Variants in ATP2C1 observed in about 807,000 individuals in gnomAD.
ATP2C1 encodes ATPase secretory pathway Ca2+ transporting 1, also known as calcium-transporting ATPase type 2C member 1.
Under a neutral mutation model 120.5 loss-of-function variants are expected in ATP2C1, and 31 were observed. The ratio of observed to expected loss-of-function variants is 0.26; its 90% confidence interval spans 0.19 to 0.35. The LOEUF (loss-of-function observed/expected upper bound fraction) is 0.35. Ranked by LOEUF, ATP2C1 falls within the 10% of genes least tolerant of loss-of-function variation. The pLI is 1.00. For missense variants in ATP2C1, 731 were observed against 1,107.5 expected (o/e 0.66, Z 4.83); for synonymous variants, 351 against 358.7 (o/e 0.98, Z 0.24).
chr3:131,008,021 C>G (rs2063180783), downstream of ATP2C1, among the ~76,000 whole-genome samples: 1 of 152,190 alleles, frequency 6.6e-6, no homozygotes, highest in South Asian at 2.1e-4. Flanking sequence ...AAGTATTTTT[C>G]TATGTGGAGT....
intron 1 of ATP2C1, among the ~76,000 whole-genome samples, chr3:130,874,573 C>A (rs568119791): frequency 6.6e-6 from 1 of 152,324 alleles, no homozygotes; most frequent in South Asian, 2.1e-4. Flanking sequence ...TAAGATTCTT[C>A]TGATTGTATG....
intron 4 of ATP2C1, among the ~76,000 whole-genome samples, chr3:130,933,584 T>C (rs1408028112): frequency 6.6e-6 from 1 of 152,220 alleles, no homozygotes; most frequent in Non-Finnish European, 1.5e-5. Context: ...TTGTGGTTGG[T>C]CAGCCCTGAA....
chr3:130,951,929 TAAC>T (rs767867672), intron 8 of ATP2C1, among the ~76,000 whole-genome samples: 8 of 152,314 alleles, frequency 5.3e-5, no homozygotes, highest in East Asian at 1.9e-4. Context: ...TTTTAAAACT[TAAC>T]AACCTATTGT....
chr3:130,919,551 C>T (rs1026741655), intron 2 of ATP2C1, among the ~76,000 whole-genome samples: 1 of 152,102 alleles, frequency 6.6e-6, no homozygotes, highest in African/African-American at 2.4e-5. Context: ...CATAGTATTC[C>T]ATTGTACATA....
chr3:131,014,081 A>G (rs2063456176), intron 26 of ATP2C1: 3 of 1,597,408 alleles, frequency 1.9e-6, no homozygotes, highest in African/African-American at 1.4e-5. Context: ...AGGCCTCACT[A>G]TGTTCCTCTA....
intron 1 of ATP2C1, among the ~76,000 whole-genome samples, chr3:130,874,178 T>A (rs1288180100): frequency 1.3e-5 from 2 of 151,620 alleles, no homozygotes; most frequent in African/African-American, 4.8e-5. Context: ...CATGCAACTA[T>A]ATAAGTAAAA....
Position 131,002,753 on chromosome 3 carries a change from A to G in ATP2C1, c.*1403A>G. ...TGAACCACTCCTTAGCTTTTATCCA[A>G]TATTAAACTGCAAGTGTTAGCACTG... On this transcript the variant is annotated 3_prime_UTR_variant, in exon 28 of 28. Coordinates refer to ENST00000510168, the MANE Select transcript of ATP2C1 (RefSeq NM_001378687.1). 2 of 985,470 alleles carry G rather than the reference A, an allele frequency of 2.0e-6. No homozygotes were observed. Among genetic ancestry groups the G allele is most frequent in the African/African-American group, 1.7e-5 (1 of 57,358 alleles). The allele number at this position is 985,470 out of a possible 1,614,324, so 61.0% of individuals were successfully genotyped here.
intron 2 of ATP2C1, among the ~76,000 whole-genome samples, chr3:130,926,740 C>T (rs1009245938): frequency 2.6e-5 from 4 of 152,264 alleles, no homozygotes; most frequent in African/African-American, 7.2e-5. Flanking sequence ...AGCCCTTGGG[C>T]GTCGCCTTCC....
chr3:130,946,403 A>G (rs1332305890), intron 8 of ATP2C1, among the ~76,000 whole-genome samples: 1 of 152,210 alleles, frequency 6.6e-6, no homozygotes, highest in African/African-American at 2.4e-5. Flanking sequence ...TCTGTTCCCT[A>G]GTTCTAAGGA....
chr3:131,010,385 G>A lies in ATP2C1; in HGVS notation c.2630-5767G>A, dbSNP rs1577073848. Among the ~76,000 whole-genome samples the A allele has an allele frequency of 2.6e-5, 4 of 151,802 alleles. No homozygotes were observed. The South Asian group carries it at 6.3e-4, about 24-fold the overall frequency. Reference sequence around the variant, plus strand: ...TTGTTTTTGTATTTTTAGTAGAGACGGGGTTTCACCATGTTAGCCAGGATG... The same window carrying A: ...TTGTTTTTGTATTTTTAGTAGAGACAGGGTTTCACCATGTTAGCCAGGATG... On this transcript the variant is annotated intron_variant, in intron 26 of 26. Transcript: ENST00000328560.
At chr3:130,933,920 A>G (rs116603707) in intron 4 of ATP2C1, among the ~76,000 whole-genome samples, 2,035 of 152,268 alleles carry the variant, frequency 0.013, 44 homozygotes, top group African/African-American at 0.046. Flanking sequence ...TAGCCTAATT[A>G]CTTTGCAACT....
intron 12 of ATP2C1, among the ~76,000 whole-genome samples, chr3:130,961,075 GTT>G (rs1029394746): frequency 6.8e-6 from 1 of 146,754 alleles, no homozygotes. Flanking sequence ...GAAAGAATGT[GTT>G]TTTTTTTTTC....
chr3:130,921,434 T>G (rs1001325907), intron 2 of ATP2C1, among the ~76,000 whole-genome samples: 1 of 152,174 alleles, frequency 6.6e-6, no homozygotes, highest in Non-Finnish European at 1.5e-5. Flanking sequence ...TTTTTTTTAT[T>G]TTATTAAGCA....
chr3:131,010,832 C>T (rs929236535), intron 26 of ATP2C1, among the ~76,000 whole-genome samples: 8 of 152,302 alleles, frequency 5.3e-5, no homozygotes, highest in Admixed American at 3.9e-4. Context: ...TCTGGTCTCA[C>T]GTTGTCTTAA....
intron 2 of ATP2C1, 117 bp from the exon 3 acceptor site, chr3:130,930,299 G>T (rs1400859087): frequency 1.4e-6 from 1 of 733,634 alleles, no homozygotes; most frequent in Non-Finnish European, 2.5e-6. Flanking sequence ...TAATTAGTCT[G>T]AAATATTTTT....
At chr3:130,943,757 A>ACAGACTT in intron 8 of ATP2C1, among the ~76,000 whole-genome samples, 1 of 152,286 alleles carries the variant, frequency 6.6e-6, no homozygotes, top group African/African-American at 2.4e-5. Context: ...GCTACCCCAA[A>ACAGACTT]CAGACTTTTG....
intron 2 of ATP2C1, among the ~76,000 whole-genome samples, chr3:130,915,285 G>T (rs2058632831): frequency 6.6e-6 from 1 of 151,962 alleles, no homozygotes; most frequent in Non-Finnish European, 1.5e-5. Context: ...GTAGAGACAG[G>T]GTTTTACCAT....
In ATP2C1 at chr3:130,994,114, G is replaced by T; in HGVS notation, c.2057+16G>T. On this transcript the variant is annotated intron_variant, in intron 22 of 27. Transcript: ENST00000510168. ...AAACCATAATGTAAGCTTTGTTTCA[G>T]TGAATGCCTATCAGAGAATCTTCCC... is the stretch of plus-strand genomic sequence containing the variant. The T allele has an allele frequency of 6.2e-7, 1 of 1,613,850 alleles. No individual in the cohort carries two copies. The highest frequency in any genetic ancestry group is 1.1e-5 in the South Asian group (1 of 91,076).
chr3:130,950,828 C>A (rs1387770990), intron 8 of ATP2C1, among the ~76,000 whole-genome samples: 1 of 151,922 alleles, frequency 6.6e-6, no homozygotes, highest in African/African-American at 2.4e-5. Context: ...AGCTAGGTTG[C>A]TGACAGAGCC....
Sources: allele counts gnomAD v4.1 joint callset (sites outside exome capture counted in the v4.1 genomes callset), GRCh38; gene constraint gnomAD v4.1.1; transcripts MANE v1.5; gene names NCBI Gene and HGNC (gene_info 2026-07-23, HGNC 2026-07-21).